Variants in KCNQ3 observed in about 807,000 individuals in gnomAD.
KCNQ3 encodes the protein potassium voltage-gated channel subfamily KQT member 3.
KCNQ3 carries 30 observed loss-of-function variants against 92.5 expected under a neutral mutation model. The ratio of observed to expected loss-of-function variants is 0.32; its 90% CI spans 0.24 to 0.44. The LOEUF is 0.44. Ranked by LOEUF, KCNQ3 falls within the 20% of genes least tolerant of loss-of-function variation. The probability of loss-of-function intolerance (pLI) is 1.00; values close to 1 mark genes in which losing one functional copy is unlikely to be tolerated. For synonymous variants in KCNQ3, 450 were observed against 468.8 expected, an observed-to-expected ratio of 0.96 and a Z score of 0.52; for missense variants, 913 against 1,140.3, an observed-to-expected ratio of 0.80 and a Z score of 2.87.
At chr8:132,238,395 T>A (rs12681383) in intron 1 of KCNQ3, among the ~76,000 whole-genome samples, 87,446 of 151,404 alleles carry the variant, frequency 0.58, 25,957 homozygotes, top group East Asian at 0.81. Flanking sequence ...GGGTAAGGCA[T>A]CCTCTCCTCA....
At chr8:132,268,480 A>G (rs1397678335) in intron 1 of KCNQ3, among the ~76,000 whole-genome samples, 1 of 152,090 alleles carries the variant, frequency 6.6e-6, no homozygotes, top group Non-Finnish European at 1.5e-5. Context: ...GCTGGTCTCA[A>G]TCTCCTGATC....
intron 1 of KCNQ3, among the ~76,000 whole-genome samples, chr8:132,292,265 C>T (rs1198208965): frequency 6.6e-6 from 1 of 152,192 alleles, no homozygotes; most frequent in Non-Finnish European, 1.5e-5. Context: ...TAACTGATAA[C>T]AGTGGTTGAA....
At chr8:132,361,590 CA>C (rs1170459533) in intron 1 of KCNQ3, among the ~76,000 whole-genome samples, 1 of 150,924 alleles carries the variant, frequency 6.6e-6, no homozygotes, top group Non-Finnish European at 1.5e-5. Context: ...ACAGAACACT[CA>C]AAAAGAAAAG....
intron 1 of KCNQ3, among the ~76,000 whole-genome samples, chr8:132,431,763 C>T (rs561511103): frequency 7.9e-5 from 12 of 152,270 alleles, no homozygotes; most frequent in East Asian, 7.7e-4. Flanking sequence ...TCATCGTTCC[C>T]GCTGGGACCT....
At chr8:132,217,710 C>CAAAAAAAAAA (rs1170925572) in intron 1 of KCNQ3, among the ~76,000 whole-genome samples, 10 of 66,366 alleles carry the variant, frequency 1.5e-4, no homozygotes, top group African/African-American at 3.0e-4. Context: ...GGCTCTGTCT[C>CAAAAAAAAAA]AAAAAAAAAA....
At chr8:132,139,890 G>A (rs1208966520) in intron 11 of KCNQ3, among the ~76,000 whole-genome samples, 186 bp downstream of exon 11, 1 of 152,124 alleles carries the variant, frequency 6.6e-6, no homozygotes, top group Non-Finnish European at 1.5e-5. Flanking sequence ...ACTTGCTAAC[G>A]TCTGGATCAT....
At chr8:132,448,826 A>T (rs1410794876) in intron 1 of KCNQ3, among the ~76,000 whole-genome samples, 1 of 152,124 alleles carries the variant, frequency 6.6e-6, no homozygotes, top group Non-Finnish European at 1.5e-5. Context: ...TTCCCTCTCA[A>T]ATTCTATTTC....
At chr8:132,178,494 A>G (rs1211077829) in intron 4 of KCNQ3, among the ~76,000 whole-genome samples, 4 of 152,214 alleles carry the variant, frequency 2.6e-5, no homozygotes, top group Admixed American at 1.3e-4. Context: ...ATGACTTACC[A>G]GGCACTTAAA....
chr8:132,184,493 G>T (rs1257270701), intron 2 of KCNQ3, 126 bp from the exon 3 acceptor site: 251 of 715,602 alleles, frequency 3.5e-4, no homozygotes, highest in East Asian at 1.0e-3. Flanking sequence ...GGTTGGCAGG[G>T]ATGGCTGGGG....
At chr8:132,154,194 T>TTTTTTTTTTTTTTTTTC (rs1825728654) in intron 9 of KCNQ3, among the ~76,000 whole-genome samples, 1 of 16,336 alleles carries the variant, frequency 6.1e-5, no homozygotes, top group Non-Finnish European at 1.2e-4. Flanking sequence ...AGGGTAAAAG[T>TTTTTTTTTTTTTTTTTC]TTTTTTTTTT....
chr8:132,130,923 G>T (rs1824859380), intron 14 of KCNQ3, among the ~76,000 whole-genome samples: 1 of 152,180 alleles, frequency 6.6e-6, no homozygotes, highest in East Asian at 1.9e-4. Context: ...ACTGTCGTCA[G>T]GTGTATCACC....
At chr8:132,229,260 C>CA (rs377431481) in intron 1 of KCNQ3, among the ~76,000 whole-genome samples, 3,742 of 118,828 alleles carry the variant, frequency 0.031, 191 homozygotes, top group African/African-American at 0.12. Flanking sequence ...GACTCCGTCT[C>CA]AAAAAAAAAA....
intron 1 of KCNQ3, among the ~76,000 whole-genome samples, chr8:132,368,014 A>T (rs1277672475): frequency 6.6e-6 from 1 of 152,170 alleles, no homozygotes; most frequent in Non-Finnish European, 1.5e-5. Context: ...AAAGGGAAAC[A>T]ATACCACCTT....
At chr8:132,458,501 C>T (rs1303214939) in intron 1 of KCNQ3, among the ~76,000 whole-genome samples, 9 of 152,224 alleles carry the variant, frequency 5.9e-5, no homozygotes, top group African/African-American at 1.9e-4. Context: ...GATGCCCAGG[C>T]GAGAGTGCAG....
chr8:132,310,954 T>A (rs1194670393), intron 1 of KCNQ3, among the ~76,000 whole-genome samples: 1 of 151,844 alleles, frequency 6.6e-6, no homozygotes, highest in African/African-American at 2.4e-5. Flanking sequence ...TTTCTTTTTT[T>A]TTTTTGAGAT....
chr8:132,367,667 A>T (rs1442571705), intron 1 of KCNQ3, among the ~76,000 whole-genome samples: 3 of 152,240 alleles, frequency 2.0e-5, no homozygotes, highest in Admixed American at 2.0e-4. Flanking sequence ...CACTTCTGGG[A>T]TAAGCTAGAG....
intron 4 of KCNQ3, among the ~76,000 whole-genome samples, chr8:132,177,577 T>C (rs1292661564): frequency 2.0e-5 from 3 of 152,224 alleles, no homozygotes; most frequent in Non-Finnish European, 4.4e-5. Flanking sequence ...GGATACACTG[T>C]AAGCCAGAAG....
intron 1 of KCNQ3, among the ~76,000 whole-genome samples, chr8:132,418,235 C>T (rs7012444): frequency 0.61 from 92,766 of 152,022 alleles, 28,866 homozygotes; most frequent in African/African-American, 0.68. Flanking sequence ...TAAACTCAGA[C>T]CATAGGCTTT....
chr8:132,246,921 G>A (rs1815199736), intron 1 of KCNQ3, among the ~76,000 whole-genome samples: 2 of 152,188 alleles, frequency 1.3e-5, no homozygotes, highest in African/African-American at 2.4e-5. Flanking sequence ...GGAGAATACT[G>A]GCAGCCCCAT....
Sources: gnomAD v4.1 joint callset for allele counts (sites outside exome capture counted in the v4.1 genomes callset) on GRCh38, gnomAD v4.1.1 for gene constraint, MANE v1.5 for transcripts, NCBI Gene and HGNC (gene_info 2026-07-23, HGNC 2026-07-21) for gene names.